SLC17A8: variants seen among roughly 807,000 people sequenced by gnomAD.
The protein encoded by SLC17A8 is vesicular glutamate transporter 3.
SLC17A8 carries 31 observed loss-of-function variants against 58.0 expected under a neutral mutation model. That is an observed-to-expected ratio of 0.53 (90% CI 0.40 to 0.72). The LOEUF is 0.72. SLC17A8 is among the 30% of genes least tolerant of loss of function. SLC17A8 has a pLI of 0.00. For missense variants in SLC17A8, 655 were observed against 727.8 expected (o/e 0.90, Z 1.15); for synonymous variants, 228 against 249.0 (o/e 0.92, Z 0.79).
intron 1 of SLC17A8, among the ~76,000 whole-genome samples, chr12:100,367,835 G>A (rs1952530993): frequency 6.6e-6 from 1 of 152,216 alleles, no homozygotes; most frequent in Non-Finnish European, 1.5e-5. Context: ...TTACAGGCGT[G>A]AACCCCTGTG....
intron 1 of SLC17A8, among the ~76,000 whole-genome samples, chr12:100,375,000 C>T (rs1346868760): frequency 6.6e-6 from 1 of 151,858 alleles, no homozygotes; most frequent in African/African-American, 2.4e-5. Flanking sequence ...CTTTCCCCTT[C>T]TTTCTCCCCA....
At chr12:100,417,555 C>T (rs1334093791) in intron 10 of SLC17A8, among the ~76,000 whole-genome samples, 2 of 152,182 alleles carry the variant, frequency 1.3e-5, no homozygotes, top group Admixed American at 6.5e-5. Context: ...AAAAAGCACC[C>T]TTTTCATTGT....
At chr12:100,410,277 C>T (rs776308176) in intron 9 of SLC17A8, among the ~76,000 whole-genome samples, 2 of 151,792 alleles carry the variant, frequency 1.3e-5, no homozygotes, top group African/African-American at 2.4e-5. Flanking sequence ...GGGTGGATCA[C>T]GAGGTCAGGA....
intron 4 of SLC17A8, among the ~76,000 whole-genome samples, chr12:100,393,766 A>G (rs1952733225): frequency 2.0e-5 from 3 of 152,210 alleles, no homozygotes. Flanking sequence ...CTGAAGCCCA[A>G]ATCTACAGTT....
At chr12:100,381,910 CTG>C (rs771226341) in intron 2 of SLC17A8, among the ~76,000 whole-genome samples, 13 of 152,098 alleles carry the variant, frequency 8.5e-5, no homozygotes, top group African/African-American at 1.2e-4. Flanking sequence ...GTGGCCATGA[CTG>C]TAATACGATT....
intron 2 of SLC17A8, among the ~76,000 whole-genome samples, chr12:100,384,564 T>TAAAA (rs796452285): frequency 6.6e-6 from 1 of 152,086 alleles, no homozygotes; most frequent in Non-Finnish European, 1.5e-5. Context: ...AGACTCCATC[T>TAAAA]AAACAAACAA....
chr12:100,415,433 C>A (rs199904273), intron 10 of SLC17A8, among the ~76,000 whole-genome samples: 65 of 130,626 alleles, frequency 5.0e-4, no homozygotes, highest in Admixed American at 6.1e-4. Flanking sequence ...GATTCTGTCT[C>A]AAAAAAAAAA....
chr12:100,364,115 T>C (rs1357742472), intron 1 of SLC17A8, among the ~76,000 whole-genome samples: 3 of 150,986 alleles, frequency 2.0e-5, no homozygotes, highest in Admixed American at 6.6e-5. Flanking sequence ...TGGTGTGGTA[T>C]ATGGTGGGGC....
intron 1 of SLC17A8, among the ~76,000 whole-genome samples, chr12:100,366,139 A>C (rs1236047490): frequency 6.8e-6 from 1 of 148,072 alleles, no homozygotes; most frequent in Non-Finnish European, 1.5e-5. Flanking sequence ...CATCCTTTAA[A>C]TCTCTGAAGG....
chr12:100,382,759 G>C (rs1952646425), intron 2 of SLC17A8, among the ~76,000 whole-genome samples: 1 of 152,184 alleles, frequency 6.6e-6, no homozygotes, highest in Non-Finnish European at 1.5e-5. Flanking sequence ...CTTGATCATA[G>C]AATGCTCTCT....
chr12:100,406,652 C>T (rs556308274), intron 9 of SLC17A8, among the ~76,000 whole-genome samples: 2 of 152,018 alleles, frequency 1.3e-5, no homozygotes, highest in Non-Finnish European at 2.9e-5. Context: ...TCTCCTGCCT[C>T]AGCTTCCTGA....
At chr12:100,383,879 AT>A (rs974354424) in intron 2 of SLC17A8, among the ~76,000 whole-genome samples, 1 of 151,778 alleles carries the variant, frequency 6.6e-6, no homozygotes, top group African/African-American at 2.4e-5. Flanking sequence ...ATTAAAAAAA[AT>A]TTTTTTTAGA....
At chr12:100,395,624 CTT>C (rs748545074) in intron 4 of SLC17A8, among the ~76,000 whole-genome samples, 2 of 144,918 alleles carry the variant, frequency 1.4e-5, no homozygotes, top group Admixed American at 7.0e-5. Context: ...TGTGCCTGGC[CTT>C]TTTTTTTTTT....
At chr12:100,361,188 G>T (rs930411481) in intron 1 of SLC17A8, among the ~76,000 whole-genome samples, 1 of 152,178 alleles carries the variant, frequency 6.6e-6, no homozygotes, top group African/African-American at 2.4e-5. Flanking sequence ...TCTCACCCCT[G>T]CTCAAAACTA....
At chr12:100,372,388 C>T (rs931488399) in intron 1 of SLC17A8, among the ~76,000 whole-genome samples, 3 of 152,134 alleles carry the variant, frequency 2.0e-5, no homozygotes, top group Admixed American at 2.0e-4. Flanking sequence ...CACTCTGTCA[C>T]CCAGCCTGGA....
At chr12:100,361,582 G>T (rs1352294388) in intron 1 of SLC17A8, among the ~76,000 whole-genome samples, 3 of 152,178 alleles carry the variant, frequency 2.0e-5, no homozygotes, top group Admixed American at 6.5e-5. Context: ...TCCCTAAAAA[G>T]CACAGCCTGA....
rs760431477 is a variant in SLC17A8, at chr12:100,357,360, T to G, written c.-32T>G. The G allele has an allele frequency of 5.8e-6, 7 of 1,203,544 alleles. No homozygotes were observed. The highest frequency in any genetic ancestry group is 1.5e-5 in the African/African-American group (1 of 66,794). The allele number at this position is 1,203,544 out of a possible 1,614,324, so 74.6% of individuals were successfully genotyped here. ...AAGGATGACAGTTTTTGAGACTGAC[T>G]GTTAACGGCTCAGAGGTGCCCCTCA... On this transcript the variant is annotated 5_prime_UTR_variant, in exon 1 of 12. Coordinates refer to ENST00000323346, the MANE Select transcript of SLC17A8 (RefSeq NM_139319.3).
At chr12:100,377,230 C>G (rs1952600613) in intron 1 of SLC17A8, among the ~76,000 whole-genome samples, 1 of 152,148 alleles carries the variant, frequency 6.6e-6, no homozygotes, top group Non-Finnish European at 1.5e-5. Context: ...GAGCTAATGG[C>G]ATCAATGCTA....
At chr12:100,368,108 A>T (rs1333622856) in intron 1 of SLC17A8, among the ~76,000 whole-genome samples, 2 of 152,206 alleles carry the variant, frequency 1.3e-5, no homozygotes, top group African/African-American at 4.8e-5. Context: ...CTGCTGTAAC[A>T]AAGTACCACA....
Sources: gnomAD v4.1 joint callset for allele counts (sites outside exome capture counted in the v4.1 genomes callset) on GRCh38, gnomAD v4.1.1 for gene constraint, MANE v1.5 for transcripts, NCBI Gene and HGNC (gene_info 2026-07-23, HGNC 2026-07-21) for gene names.